RGS6: variants seen among roughly 807,000 people sequenced by gnomAD.
The protein encoded by RGS6 is regulator of G protein signaling 6.
RGS6 carries 30 observed loss-of-function variants against 78.5 expected under a neutral mutation model. The ratio of observed to expected loss-of-function variants is 0.38; its 90% confidence interval spans 0.29 to 0.52. The LOEUF (loss-of-function observed/expected upper bound fraction) is 0.52. RGS6 is among the 20% of genes least tolerant of loss of function. The pLI is 0.85. For missense variants in RGS6, 495 were observed against 609.7 expected (o/e 0.81, Z 1.98); for synonymous variants, 206 against 206.0 (o/e 1.00, Z 0.00).
At chr14:71,923,850 G>A in the RGS6 span, among the ~76,000 whole-genome samples, 30 of 152,240 alleles carry the variant, frequency 2.0e-4, 1 homozygote, top group Non-Finnish European at 4.4e-4. Context: ...GCATTAAAAT[G>A]TTCTACGGAT....
chr14:72,231,737 G>A (rs759946233), intron 2 of RGS6, among the ~76,000 whole-genome samples: 10 of 152,338 alleles, frequency 6.6e-5, no homozygotes, highest in East Asian at 3.9e-4. Context: ...AAGGGAGAGC[G>A]TGGGCTATGA....
intron 3 of RGS6, among the ~76,000 whole-genome samples, chr14:72,417,459 C>A (rs181335546): frequency 6.6e-6 from 1 of 152,274 alleles, no homozygotes; most frequent in African/African-American, 2.4e-5. Context: ...TGTAAAAAGC[C>A]AGGCTGAAGA....
At chr14:72,164,770 C>T (rs961945975) in intron 2 of RGS6, among the ~76,000 whole-genome samples, 1 of 152,110 alleles carries the variant, frequency 6.6e-6, no homozygotes, top group Non-Finnish European at 1.5e-5. Context: ...TAACGCTTAA[C>T]TAGTGGAGGT....
chr14:72,341,480 T>G (rs1363034382), intron 2 of RGS6, among the ~76,000 whole-genome samples: 1 of 152,166 alleles, frequency 6.6e-6, no homozygotes, highest in African/African-American at 2.4e-5. Flanking sequence ...TACTGGAATA[T>G]CAAGTTTCCT....
At chr14:72,317,039 A>G (rs1365190050) in intron 2 of RGS6, among the ~76,000 whole-genome samples, 1 of 152,134 alleles carries the variant, frequency 6.6e-6, no homozygotes, top group Non-Finnish European at 1.5e-5. Flanking sequence ...AGCAATTACA[A>G]CAAAAGATGC....
chr14:72,268,946 A>G (rs951300790), intron 2 of RGS6, among the ~76,000 whole-genome samples: 1 of 152,304 alleles, frequency 6.6e-6, no homozygotes, highest in East Asian at 1.9e-4. Context: ...ACTGCTGGCA[A>G]TTCGACCTGA....
At chr14:72,416,102 C>T (rs949138994) in intron 3 of RGS6, among the ~76,000 whole-genome samples, 44 of 149,630 alleles carry the variant, frequency 2.9e-4, no homozygotes, top group Non-Finnish European at 4.0e-4. Context: ...GAGCCAAGAT[C>T]GCACTGCACC....
chr14:72,399,575 G>A (rs1187896504), intron 3 of RGS6, among the ~76,000 whole-genome samples: 1 of 152,160 alleles, frequency 6.6e-6, no homozygotes, highest in Admixed American at 6.5e-5. Context: ...CTGTCCTTAT[G>A]ATGTTAGCTG....
intron 2 of RGS6, among the ~76,000 whole-genome samples, chr14:72,049,546 A>G (rs2093093678): frequency 6.6e-6 from 1 of 152,190 alleles, no homozygotes; most frequent in Non-Finnish European, 1.5e-5. Context: ...GTAGACAGAG[A>G]AAGAACGTGG....
At chr14:72,548,340 T>C (rs1301887166) in intron 17 of RGS6, among the ~76,000 whole-genome samples, 1 of 131,416 alleles carries the variant, frequency 7.6e-6, no homozygotes, top group Admixed American at 7.6e-5. Flanking sequence ...TGTGTGTGTG[T>C]GTGCGCGCGT....
chr14:72,323,844 A>C (rs1244139885), intron 2 of RGS6, among the ~76,000 whole-genome samples: 1 of 126,958 alleles, frequency 7.9e-6, no homozygotes, highest in African/African-American at 2.9e-5. Context: ...AAAAAAAACT[A>C]TTGTAAAACT....
chr14:71,898,425 T>A, the RGS6 span, among the ~76,000 whole-genome samples: 14 of 152,344 alleles, frequency 9.2e-5, no homozygotes, highest in Non-Finnish European at 5.9e-5. Context: ...GCCTTTAGCA[T>A]CTGTAGGACA....
intron 2 of RGS6, among the ~76,000 whole-genome samples, chr14:72,103,362 T>C (rs917318127): frequency 6.6e-6 from 1 of 152,256 alleles, no homozygotes; most frequent in African/African-American, 2.4e-5. Context: ...ATTTTTAAAT[T>C]AACTTTTTGG....
chr14:71,931,035 G>A (rs1407352063), upstream of RGS6, among the ~76,000 whole-genome samples: 2 of 129,802 alleles, frequency 1.5e-5, no homozygotes, highest in Non-Finnish European at 3.1e-5. Context: ...TCCTCAAAGC[G>A]GAAGTTTCCC....
intron 2 of RGS6, among the ~76,000 whole-genome samples, chr14:72,041,711 C>A (rs1240739582): frequency 6.6e-6 from 1 of 152,142 alleles, no homozygotes; most frequent in Non-Finnish European, 1.5e-5. Flanking sequence ...TTTGTATTTG[C>A]CTAGGGGCAC....
At chr14:71,976,366 T>G (rs1345473116) in intron 2 of RGS6, among the ~76,000 whole-genome samples, 1 of 150,988 alleles carries the variant, frequency 6.6e-6, no homozygotes, top group East Asian at 1.9e-4. Context: ...ACCCACTAAC[T>G]CGTCATCTAG....
intron 17 of RGS6, among the ~76,000 whole-genome samples, chr14:72,560,072 C>T (rs954456627): frequency 6.6e-6 from 1 of 152,060 alleles, no homozygotes; most frequent in African/African-American, 2.4e-5. Flanking sequence ...TGAATGTACT[C>T]ATTGGCAACA....
chr14:72,126,108 A>T (rs1452853025), intron 2 of RGS6, among the ~76,000 whole-genome samples: 5 of 152,190 alleles, frequency 3.3e-5, no homozygotes, highest in African/African-American at 4.8e-5. Flanking sequence ...AAGTACAGTA[A>T]ACAGATCCAG....
At chr14:71,890,666 A>C in the RGS6 span, among the ~76,000 whole-genome samples, 1 of 152,174 alleles carries the variant, frequency 6.6e-6, no homozygotes, top group African/African-American at 2.4e-5. Flanking sequence ...TTTCAAAATC[A>C]TTTGGGATGT....
Sources: gnomAD v4.1 joint callset for allele counts (sites outside exome capture counted in the v4.1 genomes callset) on GRCh38, gnomAD v4.1.1 for gene constraint, MANE v1.5 for transcripts, NCBI Gene and HGNC (gene_info 2026-07-23, HGNC 2026-07-21) for gene names.